ZNF536: variants seen among roughly 807,000 people sequenced by gnomAD.
ZNF536 encodes the protein zinc finger protein 536.
In ZNF536, 13 loss-of-function variants were observed where a neutral mutation model predicts 84.5. The ratio of observed to expected loss-of-function variants is 0.15; its 90% CI spans 0.10 to 0.24. The LOEUF is 0.24. Among genes scored for constraint, ZNF536 ranks in the 10% least tolerant of loss-of-function variants. The probability of loss-of-function intolerance (pLI) is 1.00; values close to 1 mark genes in which losing one functional copy is unlikely to be tolerated. For synonymous variants in ZNF536, 811 were observed against 742.5 expected, an observed-to-expected ratio of 1.09 and a Z score of -1.50; for missense variants, 1,536 against 1,747.5, an observed-to-expected ratio of 0.88 and a Z score of 2.16.
Position 30,432,006 on chromosome 19 carries a change from T to TATATATATATATATATATATATACAC in ZNF536, c.-2-11554_-2-11553insTATATATATATATATATATATACACA, listed in dbSNP as rs149223384. Among the ~76,000 whole-genome samples, 269 of 145,822 alleles carry TATATATATATATATATATATATACAC rather than the reference T, an allele frequency of 1.8e-3. 1 individual carries two copies. The highest frequency in any genetic ancestry group is 6.2e-3 in the Admixed American group (87 of 14,088). On this transcript the variant is annotated intron_variant, in intron 1 of 4. Transcript: ENST00000355537. ...TTCATTAAAAGCATATATATATATA[T>TATATATATATATATATATATATACAC]ACACACACACATACACACACACACA... is the stretch of plus-strand genomic sequence containing the variant.
intron 2 of ZNF536, among the ~76,000 whole-genome samples, chr19:30,506,621 G>A (rs2055183967): frequency 6.6e-6 from 1 of 152,214 alleles, no homozygotes; most frequent in Admixed American, 6.5e-5. Flanking sequence ...CACAAAGCGG[G>A]CAGGTTGTGG....
At chr19:30,398,237 C>T (rs2049900223) in intron 1 of ZNF536, among the ~76,000 whole-genome samples, 1 of 152,150 alleles carries the variant, frequency 6.6e-6, no homozygotes, top group Non-Finnish European at 1.5e-5. Context: ...ACAAGATCTC[C>T]CTCATCTACC....
At chr19:30,410,191 C>T (rs1451683566) in intron 1 of ZNF536, among the ~76,000 whole-genome samples, 1 of 151,972 alleles carries the variant, frequency 6.6e-6, no homozygotes, top group Non-Finnish European at 1.5e-5. Context: ...TAATAATACT[C>T]CTAAATTCAC....
chr19:30,676,963 C>T (rs775472155), intron 1 of ZNF536, among the ~76,000 whole-genome samples: 1 of 152,208 alleles, frequency 6.6e-6, no homozygotes, highest in Non-Finnish European at 1.5e-5. Flanking sequence ...ACCTCGGCCT[C>T]CCAAAGTGCT....
At chr19:30,694,320 A>C (rs2051560307) in intron 1 of ZNF536, among the ~76,000 whole-genome samples, 1 of 152,256 alleles carries the variant, frequency 6.6e-6, no homozygotes, top group Admixed American at 6.5e-5. Flanking sequence ...ACCAGCAGGG[A>C]CCACCCACTT....
rs1225091294 is a variant in ZNF536 at position 30,261,567 on chromosome 19, T to G, written c.-189-22505T>G. Among the ~76,000 whole-genome samples, 3 of 150,618 alleles carry G rather than the reference T, an allele frequency of 2.0e-5. No homozygotes were observed. The East Asian group carries it at 5.9e-4, about 30-fold the overall frequency. ...TTTAAAAATTAACCAGGTGTGGTGG[T>G]GCATGCCTGTAGTCCCAGCTACTCA... On this transcript the variant is annotated intron_variant, in intron 1 of 5. Transcript: ENST00000585628.
In ZNF536 at chr19:30,479,966, C is replaced by T. The variant is rs1447126304; in HGVS notation, c.2170+34234C>T. 3.9e-5 allele frequency among the ~76,000 whole-genome samples: 6 copies of T among 152,356 alleles called. 1 individual carries two copies. Among genetic ancestry groups the T allele is most frequent in the South Asian group, 4.1e-4 (2 of 4,832 alleles). ...TCAGGGCTGGTTCCAAGGGAGCCCG[C>T]GCTGGGCTCTGGGGATTGCTGTTCC... is the stretch of plus-strand genomic sequence containing the variant. On this transcript the variant is annotated intron_variant, in intron 2 of 4. Transcript: ENST00000355537.
intron 3 of ZNF536, among the ~76,000 whole-genome samples, chr19:30,539,634 T>C (rs8104952): frequency 0.054 from 8,256 of 152,224 alleles, 356 homozygotes; most frequent in South Asian, 0.12. Context: ...TCAGGATTGG[T>C]CTCCATGCAC....
At chr19:30,515,128 G>A (rs189581940) in intron 2 of ZNF536, among the ~76,000 whole-genome samples, 112 of 152,222 alleles carry the variant, frequency 7.4e-4, no homozygotes, top group African/African-American at 2.6e-3. Flanking sequence ...TGGGTGTGGT[G>A]ACTCACACCT....
chr19:30,558,763 C>T (rs2046055666), downstream of ZNF536, among the ~76,000 whole-genome samples: 1 of 152,096 alleles, frequency 6.6e-6, no homozygotes, highest in Non-Finnish European at 1.5e-5. Flanking sequence ...AGCTTCTTTG[C>T]TTGGATGTGT....
chr19:30,463,423 C>G (rs1276399030), intron 2 of ZNF536, among the ~76,000 whole-genome samples: 4 of 152,160 alleles, frequency 2.6e-5, no homozygotes, highest in Non-Finnish European at 5.9e-5. Context: ...TCTCCAGCCT[C>G]AAGCACCTCC....
At chr19:30,402,796 A>ATATATATATATATAGATATAT (rs1555744993) in intron 1 of ZNF536, among the ~76,000 whole-genome samples, 1 of 85,610 alleles carries the variant, frequency 1.2e-5, no homozygotes, top group Non-Finnish European at 2.4e-5. Context: ...AAAATTAAAA[A>ATATATATATATATAGATATAT]ATATATATAT....
intron 1 of ZNF536, among the ~76,000 whole-genome samples, chr19:30,436,731 G>C (rs1473089576): frequency 6.6e-6 from 1 of 152,182 alleles, no homozygotes; most frequent in Non-Finnish European, 1.5e-5. Context: ...CTTAATTACT[G>C]TTTACTGTCA....
At chr19:30,501,328 G>T (rs1216962947) in intron 2 of ZNF536, among the ~76,000 whole-genome samples, 1 of 152,128 alleles carries the variant, frequency 6.6e-6, no homozygotes, top group East Asian at 1.9e-4. Flanking sequence ...AAAACTTCAG[G>T]TCACTTGCTT....
intron 1 of ZNF536, among the ~76,000 whole-genome samples, chr19:30,282,932 C>G (rs532454349): frequency 2.0e-5 from 3 of 152,300 alleles, no homozygotes; most frequent in African/African-American, 7.2e-5. Context: ...TGTTTACAGA[C>G]AGCAGCTTCC....
chr19:30,468,882 G>C (rs962658394), intron 2 of ZNF536, among the ~76,000 whole-genome samples: 8 of 152,066 alleles, frequency 5.3e-5, no homozygotes, highest in African/African-American at 1.9e-4. Flanking sequence ...TTCCAGGCAG[G>C]AGTGTGCTCA....
intron 2 of ZNF536, among the ~76,000 whole-genome samples, chr19:30,477,915 T>C (rs977345499): frequency 2.6e-5 from 4 of 152,210 alleles, no homozygotes; most frequent in African/African-American, 9.6e-5. Flanking sequence ...AATAAAAATC[T>C]GTCTGCTTTC....
intron 3 of ZNF536, among the ~76,000 whole-genome samples, chr19:30,544,031 G>T (rs1353563155): frequency 1.3e-5 from 2 of 152,112 alleles, no homozygotes; most frequent in Non-Finnish European, 2.9e-5. Flanking sequence ...AGAGGGCAGG[G>T]GTGGTTCTTC....
chr19:30,670,146 C>T (rs2050488932), intron 1 of ZNF536, among the ~76,000 whole-genome samples: 1 of 152,164 alleles, frequency 6.6e-6, no homozygotes, highest in East Asian at 1.9e-4. Context: ...AGGAGGGGTA[C>T]GTGGGAGGCT....
Sources: allele counts gnomAD v4.1 joint callset (sites outside exome capture counted in the v4.1 genomes callset), GRCh38; gene constraint gnomAD v4.1.1; transcripts MANE v1.5; gene names NCBI Gene and HGNC (gene_info 2026-07-23, HGNC 2026-07-21).